Variants in RNF6 observed in about 807,000 individuals in gnomAD.
RNF6 encodes the protein ring finger protein 6.
RNF6 carries 21 observed loss-of-function variants against 50.1 expected under a neutral mutation model. The ratio of observed to expected loss-of-function variants is 0.42; its 90% CI spans 0.30 to 0.60. The LOEUF is 0.60. RNF6 is among the 20% of genes least tolerant of loss of function. The pLI, the probability that RNF6 is intolerant of heterozygous loss-of-function variation, is 0.20. For missense variants in RNF6, 698 were observed against 838.2 expected (o/e 0.83, Z 2.07); for synonymous variants, 255 against 291.8 (o/e 0.87, Z 1.29).
intron 5 of RNF6, among the ~76,000 whole-genome samples, chr13:26,147,153 A>C (rs1003577976): frequency 6.6e-6 from 1 of 152,156 alleles, no homozygotes; most frequent in African/African-American, 2.4e-5. Flanking sequence ...TACACTCTTA[A>C]TACCCATTCC....
chr13:26,156,266 G>A (rs1390403516), intron 5 of RNF6, among the ~76,000 whole-genome samples: 2 of 152,082 alleles, frequency 1.3e-5, no homozygotes, highest in Non-Finnish European at 2.9e-5. Context: ...AAATATTAGG[G>A]AGAAAAAGAG....
intron 4 of RNF6, among the ~76,000 whole-genome samples, chr13:26,217,100 C>A (rs1196470209): frequency 6.6e-6 from 1 of 152,154 alleles, no homozygotes; most frequent in African/African-American, 2.4e-5. Context: ...AAATAAACAG[C>A]AACTGAGCCA....
At chr13:26,136,298 A>G (rs1336226427) in intron 5 of RNF6, among the ~76,000 whole-genome samples, 1 of 152,234 alleles carries the variant, frequency 6.6e-6, no homozygotes, top group South Asian at 2.1e-4. Context: ...GATGTTATAT[A>G]GATCAGAATA....
rs1182667639 is a variant in RNF6, at chr13:26,213,657, T to G, written c.*167A>C. 2.1e-6 allele frequency: 1 copy of G among 466,996 alleles called. No individual in the cohort carries two copies. The highest frequency in any genetic ancestry group is 3.7e-6 in the Non-Finnish European group (1 of 272,292). 28.9% of individuals were successfully genotyped at this position (466,996 alleles called of 1,614,324 possible). ...AATTTAACATTTGTATTTTAAATTTTATATAAATTTCTTTTTAACAAGTTT... is the reference window on the plus strand; with the variant it reads ...AATTTAACATTTGTATTTTAAATTTGATATAAATTTCTTTTTAACAAGTTT... On this transcript the variant is annotated 3_prime_UTR_variant, in exon 5 of 5. Transcript: ENST00000381588.
chr13:26,152,449 C>T (rs1871670647), intron 5 of RNF6, among the ~76,000 whole-genome samples: 1 of 152,214 alleles, frequency 6.6e-6, no homozygotes, highest in Non-Finnish European at 1.5e-5. Context: ...CCACCCACCC[C>T]CAAGCCAGAA....
chr13:26,149,269 C>T (rs893342013), intron 5 of RNF6: 8 of 152,098 alleles, frequency 5.3e-5, no homozygotes, highest in Non-Finnish European at 5.9e-5. Context: ...ATTTGTAATA[C>T]AAGACGTACT....
At chr13:26,159,623 TC>T (rs1472140976) in intron 5 of RNF6, among the ~76,000 whole-genome samples, 3 of 150,194 alleles carry the variant, frequency 2.0e-5, no homozygotes, top group African/African-American at 7.4e-5. Context: ...AAACTCCATC[TC>T]AAAAAAAAAA....
intron 5 of RNF6, among the ~76,000 whole-genome samples, chr13:26,132,751 G>C (rs1008035354): frequency 6.6e-6 from 1 of 152,202 alleles, no homozygotes; most frequent in Admixed American, 6.5e-5. Context: ...TATAACATTT[G>C]ATACATTTAT....
At chr13:26,171,243 T>G (rs1872684036) in intron 5 of RNF6, among the ~76,000 whole-genome samples, 1 of 152,184 alleles carries the variant, frequency 6.6e-6, no homozygotes, top group Non-Finnish European at 1.5e-5. Flanking sequence ...TGAATAGACA[T>G]TTCTCAAAAG....
chr13:26,156,694 T>C (rs181046911), intron 5 of RNF6, among the ~76,000 whole-genome samples: 136 of 152,272 alleles, frequency 8.9e-4, no homozygotes, highest in Non-Finnish European at 1.5e-3. Flanking sequence ...TGGAACTAAA[T>C]AACTGAAATA....
rs1341487955 is a variant in RNF6 at position 26,215,597 on chromosome 13, A to G, written c.290-5T>C. ...TTTCTCTAGGGACTTCTGAGTCTAG[A>G]AAGCAAAGCAAATCAACTTAAGATC... is the stretch of plus-strand genomic sequence containing the variant. On this transcript the variant is annotated splice_region_variant and splice_polypyrimidine_tract_variant and intron_variant, in intron 4 of 4. Transcript: ENST00000381588. The G allele has an allele frequency of 6.3e-7, 1 of 1,585,618 alleles. No individual in the cohort carries two copies. The highest frequency in any genetic ancestry group is 8.5e-7 in the Non-Finnish European group (1 of 1,173,112).
intron 5 of RNF6, among the ~76,000 whole-genome samples, chr13:26,185,871 T>C (rs1393477647): frequency 6.6e-6 from 1 of 152,204 alleles, no homozygotes; most frequent in Admixed American, 6.5e-5. Context: ...GTCACACTTC[T>C]GGAAAGTTCC....
At chr13:26,197,494 A>C (rs1187371593) in intron 5 of RNF6, among the ~76,000 whole-genome samples, 1 of 151,924 alleles carries the variant, frequency 6.6e-6, no homozygotes, top group Non-Finnish European at 1.5e-5. Context: ...ACAAACACAG[A>C]TGGCCTAATT....
chr13:26,195,152 G>A (rs73158290), intron 5 of RNF6, among the ~76,000 whole-genome samples: 3,785 of 152,278 alleles, frequency 0.025, 63 homozygotes, highest in Non-Finnish European at 0.04. Context: ...ATGATTAATG[G>A]ATAAAGTAGA....
chr13:26,188,360 G>T (rs186537357), intron 5 of RNF6, among the ~76,000 whole-genome samples: 5 of 152,292 alleles, frequency 3.3e-5, no homozygotes, highest in Admixed American at 3.3e-4. Context: ...CTTAATTGTG[G>T]CACAGAGGAA....
intron 5 of RNF6, among the ~76,000 whole-genome samples, chr13:26,183,138 C>T (rs1179529034): frequency 1.3e-5 from 2 of 152,194 alleles, no homozygotes; most frequent in East Asian, 3.8e-4. Context: ...GTCAAAAAGA[C>T]ATGCTGTTCT....
At chr13:26,159,183 T>C (rs1324061585) in intron 5 of RNF6, among the ~76,000 whole-genome samples, 1 of 152,166 alleles carries the variant, frequency 6.6e-6, no homozygotes, top group East Asian at 1.9e-4. Context: ...TTTAGATACA[T>C]AAAATTCAGG....
intron 5 of RNF6, among the ~76,000 whole-genome samples, chr13:26,165,419 T>G (rs1163515586): frequency 6.6e-6 from 1 of 151,766 alleles, no homozygotes; most frequent in Non-Finnish European, 1.5e-5. Context: ...GCATAGGGAG[T>G]CTCTACTGCG....
At chr13:26,187,383 A>G (rs1330700678) in intron 5 of RNF6, among the ~76,000 whole-genome samples, 1 of 152,230 alleles carries the variant, frequency 6.6e-6, no homozygotes, top group Non-Finnish European at 1.5e-5. Flanking sequence ...TGGGATGTCC[A>G]GTGTGAGAAT....
Sources: gnomAD v4.1 joint callset for allele counts (sites outside exome capture counted in the v4.1 genomes callset) on GRCh38, gnomAD v4.1.1 for gene constraint, MANE v1.5 for transcripts, NCBI Gene and HGNC (gene_info 2026-07-23, HGNC 2026-07-21) for gene names.